APBA2: variants seen among roughly 807,000 people sequenced by gnomAD.
APBA2 encodes the protein amyloid-beta A4 precursor protein-binding family A member 2.
In APBA2, 30 loss-of-function variants were observed where a neutral mutation model predicts 75.0. That is an observed-to-expected ratio of 0.40 (90% confidence interval 0.30 to 0.54). The LOEUF is 0.54. Among genes scored for constraint, APBA2 ranks in the 20% least tolerant of loss-of-function variants. The pLI is 0.49. For synonymous variants in APBA2, 444 were observed against 409.6 expected (o/e 1.08, Z -1.01); for missense variants, 801 against 1,016.1 (o/e 0.79, Z 2.88).
At position 29,002,800 on chromosome 15, in the gene APBA2, T is replaced by C. The variant is rs143918411; in HGVS notation, c.-41+6994T>C. On this transcript the variant is annotated intron_variant, in intron 3 of 14. Transcript: ENST00000683413. ...GCCACTGCAGGAAAGGGTGGCGTCT[T>C]GGTGGCCGCATACTGTGAATGTCAA... 3.6e-3 allele frequency among the ~76,000 whole-genome samples: 553 copies of C among 152,048 alleles called. 8 individuals are homozygous for C. Among genetic ancestry groups the C allele is most frequent in the Middle Eastern group, 0.01 (3 of 294 alleles).
chr15:28,914,172 G>A (rs1413188920), intron 1 of APBA2, among the ~76,000 whole-genome samples: 1 of 152,124 alleles, frequency 6.6e-6, no homozygotes, highest in Non-Finnish European at 1.5e-5. Flanking sequence ...CTTTCCATTG[G>A]TGCTGCAGTT....
chr15:28,940,545 T>C (rs1334001483), intron 2 of APBA2, among the ~76,000 whole-genome samples: 1 of 140,878 alleles, frequency 7.1e-6, no homozygotes, highest in African/African-American at 2.8e-5. Context: ...AGAGCGAGAC[T>C]CTGTATCAAA....
At chr15:28,916,778 G>C (rs1217866610) in intron 1 of APBA2, among the ~76,000 whole-genome samples, 1 of 152,186 alleles carries the variant, frequency 6.6e-6, no homozygotes, top group Non-Finnish European at 1.5e-5. Context: ...GACTCTTCCA[G>C]CACGTGAACT....
chr15:29,103,003 G>C (rs979437362), intron 10 of APBA2, among the ~76,000 whole-genome samples: 11 of 152,190 alleles, frequency 7.2e-5, no homozygotes, highest in African/African-American at 2.7e-4. Context: ...AGGAGGGAGA[G>C]AGCATTTCAA....
chr15:28,942,850 C>G (rs886187464), intron 2 of APBA2, among the ~76,000 whole-genome samples: 2 of 152,188 alleles, frequency 1.3e-5, no homozygotes, highest in African/African-American at 4.8e-5. Context: ...TGGGGCTTCT[C>G]CCCGGGCTGG....
chr15:29,094,743 C>T (rs1012237867), intron 8 of APBA2, among the ~76,000 whole-genome samples: 14 of 152,198 alleles, frequency 9.2e-5, no homozygotes, highest in Admixed American at 6.5e-4. Flanking sequence ...TCAGTTTGCC[C>T]GTGTGGTGCT....
chr15:29,087,272 A>G (rs933089217), intron 6 of APBA2, among the ~76,000 whole-genome samples: 5 of 147,850 alleles, frequency 3.4e-5, no homozygotes, highest in Admixed American at 3.3e-4. Context: ...TTTAAAAAAA[A>G]TTATTTATTA....
intron 2 of APBA2, among the ~76,000 whole-genome samples, chr15:28,952,299 G>A (rs561039857): frequency 6.6e-5 from 10 of 152,234 alleles, no homozygotes; most frequent in African/African-American, 1.7e-4. Context: ...AGAGCCTGAG[G>A]CAGGAGGATT....
intron 13 of APBA2, among the ~76,000 whole-genome samples, chr15:29,111,575 C>A (rs1258722984): frequency 6.6e-6 from 1 of 152,162 alleles, no homozygotes; most frequent in African/African-American, 2.4e-5. Flanking sequence ...CTGAGTGGCT[C>A]GGCTGCCTGG....
chr15:28,982,779 G>A (rs961001305), intron 2 of APBA2, among the ~76,000 whole-genome samples: 4 of 152,220 alleles, frequency 2.6e-5, no homozygotes, highest in African/African-American at 9.6e-5. Flanking sequence ...GATGTCTTCA[G>A]CGCAAGTGTT....
chr15:28,938,552 A>C (rs1350227114), intron 2 of APBA2, among the ~76,000 whole-genome samples: 1 of 152,216 alleles, frequency 6.6e-6, no homozygotes, highest in Non-Finnish European at 1.5e-5. Context: ...TCTGTAGCCC[A>C]GGCTGGAGTG....
At chr15:28,915,982 C>T (rs1245857374) in intron 1 of APBA2, among the ~76,000 whole-genome samples, 1 of 152,172 alleles carries the variant, frequency 6.6e-6, no homozygotes, top group Non-Finnish European at 1.5e-5. Flanking sequence ...CTGACGCACA[C>T]AGCACACACC....
intron 1 of APBA2, among the ~76,000 whole-genome samples, chr15:28,910,012 A>G (rs1370976330): frequency 1.3e-5 from 2 of 152,172 alleles, no homozygotes; most frequent in East Asian, 3.9e-4. Flanking sequence ...ATGCCAATAA[A>G]TATTATCCGA....
intron 2 of APBA2, among the ~76,000 whole-genome samples, chr15:28,979,541 C>T (rs1192786655): frequency 6.6e-6 from 1 of 152,202 alleles, no homozygotes; most frequent in Non-Finnish European, 1.5e-5. Flanking sequence ...GAATCCTTCT[C>T]TTGAGGTGGA....
intron 10 of APBA2, chr15:29,102,033 G>A (rs1366675988): frequency 3.5e-6 from 2 of 577,586 alleles, no homozygotes; most frequent in African/African-American, 3.7e-5. Context: ...ATATATGAGG[G>A]AGCTATTTGA....
intron 3 of APBA2, among the ~76,000 whole-genome samples, chr15:29,028,499 T>C (rs2152840622): frequency 6.6e-6 from 1 of 152,334 alleles, no homozygotes; most frequent in Non-Finnish European, 1.5e-5. Flanking sequence ...CAGAATGATT[T>C]ATTTTCCTTT....
chr15:29,009,288 G>A (rs1443926789), intron 3 of APBA2, among the ~76,000 whole-genome samples: 2 of 152,200 alleles, frequency 1.3e-5, no homozygotes, highest in South Asian at 2.1e-4. Context: ...CCCTCAGAAC[G>A]CGCACCTGGA....
intron 3 of APBA2, among the ~76,000 whole-genome samples, chr15:29,009,538 A>C (rs989454018): frequency 6.6e-6 from 1 of 152,110 alleles, no homozygotes; most frequent in African/African-American, 2.4e-5. Flanking sequence ...CCACAACCCA[A>C]GAATCTCCCC....
rs548406310 is a variant in APBA2, at chr15:29,060,914, G to A, written c.951+6079G>A. ...GCCCTCTACTATCAGGCAGTGAAGC[G>A]TGAGTGGAGGGAGGACCCCAGCTGG... On this transcript the variant is annotated intron_variant, in intron 4 of 14. Transcript: ENST00000683413. 5.7e-4 allele frequency among the ~76,000 whole-genome samples: 87 copies of A among 152,284 alleles called. 1 individual carries two copies. Among genetic ancestry groups the A allele is most frequent in the African/African-American group, 1.8e-3 (75 of 41,550 alleles).
Sources: allele counts gnomAD v4.1 joint callset (sites outside exome capture counted in the v4.1 genomes callset), GRCh38; gene constraint gnomAD v4.1.1; transcripts MANE v1.5; gene names NCBI Gene and HGNC (gene_info 2026-07-23, HGNC 2026-07-21).